The following MIA2 variants were observed in gnomAD, a reference collection of about 807,000 sequenced individuals.
MIA2 encodes the protein MIA SH3 domain ER export factor 2.
A neutral mutation model predicts 167.8 loss-of-function variants in MIA2; 127 were observed. That is an observed-to-expected ratio of 0.76 (90% CI 0.66 to 0.88). The LOEUF (loss-of-function observed/expected upper bound fraction) is 0.88, where lower values mean the gene tolerates loss of function less well. MIA2 is among the 40% of genes least tolerant of loss of function. The pLI is 0.00. For synonymous variants in MIA2, 552 were observed against 541.9 expected (o/e 1.02, Z -0.26); for missense variants, 1,690 against 1,624.7 (o/e 1.04, Z -0.69).
chr14:39,356,035 C>G (rs1336768463), downstream of MIA2, among the ~76,000 whole-genome samples: 2 of 152,092 alleles, frequency 1.3e-5, no homozygotes, highest in Non-Finnish European at 1.5e-5. Context: ...GTGTCTCTGC[C>G]AGGCTTTGGT....
At chr14:39,277,937 T>G (rs1476352494) in intron 7 of MIA2, among the ~76,000 whole-genome samples, 1 of 150,652 alleles carries the variant, frequency 6.6e-6, no homozygotes, top group Non-Finnish European at 1.5e-5. Flanking sequence ...ACTACACAGG[T>G]CCATGTCACT....
chr14:39,367,787 C>T (rs569385395), intron 23 of MIA2, among the ~76,000 whole-genome samples: 1 of 151,514 alleles, frequency 6.6e-6, no homozygotes, highest in Admixed American at 6.6e-5. Context: ...GTCTTGAAGC[C>T]CCTTCTCTTC....
chr14:39,315,792 A>C (rs1417542748), intron 21 of MIA2, 74 bp downstream of exon 21: 1 of 1,005,378 alleles, frequency 9.9e-7, no homozygotes, highest in Non-Finnish European at 1.5e-6. Context: ...GTTTATTTAA[A>C]TTAGATGAAA....
chr14:39,344,881 C>T (rs1471091470), intron 25 of MIA2, among the ~76,000 whole-genome samples: 2 of 151,936 alleles, frequency 1.3e-5, no homozygotes, highest in East Asian at 3.9e-4. Context: ...ATTATTAAAC[C>T]GCAATTACTT....
intron 23 of MIA2, among the ~76,000 whole-genome samples, chr14:39,376,806 G>T (rs2075054173): frequency 6.6e-6 from 1 of 152,142 alleles, no homozygotes; most frequent in South Asian, 2.1e-4. Context: ...GAATCCACAG[G>T]TTGCAAGATA....
At chr14:39,307,152 G>T (rs2063467686) in intron 17 of MIA2, among the ~76,000 whole-genome samples, 1 of 152,026 alleles carries the variant, frequency 6.6e-6, no homozygotes, top group Middle Eastern at 3.4e-3. Flanking sequence ...GGAGGGCTAG[G>T]TAGAATTTAA....
Position 39,252,729 on chromosome 14 carries a change from T to A in MIA2, c.1568-19T>A. 1 of 1,574,992 alleles carries A rather than the reference T, an allele frequency of 6.3e-7. No individual in the cohort carries two copies. Among genetic ancestry groups the A allele is most frequent in the Admixed American group, 1.8e-5 (1 of 56,382 alleles). On this transcript the variant is annotated intron_variant, in intron 4 of 28. Transcript: ENST00000640607. Reference sequence around the variant, plus strand: ...AGCAAGTATTTTGGAAAAACACATTTCTTTTTATTTATTTGTAGATATGGT... The same window carrying A: ...AGCAAGTATTTTGGAAAAACACATTACTTTTTATTTATTTGTAGATATGGT...
At chr14:39,303,416 T>C in intron 15 of MIA2, 62 bp from the exon 16 acceptor site, 1 of 1,188,784 alleles carries the variant, frequency 8.4e-7, no homozygotes, top group Non-Finnish European at 1.2e-6. Context: ...ATCATTTTGA[T>C]GTCTATTGTC....
At position 39,247,314 on chromosome 14, in the gene MIA2, A is replaced by G. The variant is rs1233536062; in HGVS notation, c.740A>G (p.Gln247Arg). The change falls in exon 4 of 29, where the codon CAA becomes CGA. Residue 247 changes from glutamine (Q) to arginine (R), a missense_variant. By Grantham distance (43) the Gln-to-Arg change is conservative. Coordinates refer to ENST00000640607, the MANE Select transcript of MIA2 (RefSeq NM_001329214.4). The stretch of plus-strand genomic sequence containing the variant: ...TTTGAATCAGTTATTGAACCTGTAC[A>G]AGAAAGCTCATTTCGGAGTAGAAAA... ...KAFESVIEPV[Q>R]ESSFRSRKIA... is the part of the protein sequence containing the mutation. 1 of 1,614,074 alleles carries G rather than the reference A, an allele frequency of 6.2e-7. No individual in the cohort carries two copies. Among genetic ancestry groups the G allele is most frequent in the Admixed American group, 1.7e-5 (1 of 60,006 alleles).
chr14:39,347,604 C>A, intron 26 of MIA2, 109 bp from the exon 27 acceptor site: 2 of 1,062,068 alleles, frequency 1.9e-6, no homozygotes, highest in African/African-American at 1.6e-5. Context: ...GTCCAGCTGG[C>A]TTATGTGCCA....
chr14:39,330,479 T>TAACAACACAAGAATAACACA (rs1209386392), intron 25 of MIA2, among the ~76,000 whole-genome samples: 13 of 152,288 alleles, frequency 8.5e-5, no homozygotes, highest in Admixed American at 8.5e-4. Context: ...GCCCTCATCT[T>TAACAACACAAGAATAACACA]AGTTATTTCT....
At chr14:39,324,452 A>G (rs10137052) in intron 24 of MIA2, among the ~76,000 whole-genome samples, 40,408 of 151,926 alleles carry the variant, frequency 0.27, 5,503 homozygotes, top group East Asian at 0.5. Flanking sequence ...TGATTCTACT[A>G]AAGGGAGTAG....
Position 39,277,684 on chromosome 14 carries a change from ATATG to A in MIA2, c.2019+621_2019+624del, listed in dbSNP as rs1430153750. 2.5e-3 allele frequency among the ~76,000 whole-genome samples: 23 copies of A among 9,378 alleles called. 4 individuals carry two copies. The highest frequency in any genetic ancestry group is 4.0e-3 in the African/African-American group (4 of 1,012). The allele number at this position is 9,378 out of a possible 152,430, so 6.2% of individuals were successfully genotyped here. A position where few individuals can be genotyped will look rare whatever the true frequency, so the allele number is the denominator to read the frequency against. ...AATGTAAGATCTTTTATATATATAT[ATATG>A]TGTGTATATATATATATATATATAT... is the stretch of plus-strand genomic sequence containing the variant. On this transcript the variant is annotated intron_variant, in intron 7 of 28. Coordinates refer to ENST00000640607, the MANE Select transcript of MIA2 (RefSeq NM_001329214.4).
chr14:39,236,027 G>A (rs998949429), intron 1 of MIA2, among the ~76,000 whole-genome samples: 1 of 152,166 alleles, frequency 6.6e-6, no homozygotes, highest in Non-Finnish European at 1.5e-5. Context: ...ATATGTGGCT[G>A]TGATTCGTTC....
At chr14:39,282,083 G>A (rs902436778) in intron 9 of MIA2, among the ~76,000 whole-genome samples, 1 of 151,932 alleles carries the variant, frequency 6.6e-6, no homozygotes, top group Non-Finnish European at 1.5e-5. Flanking sequence ...AGTCTTGTCC[G>A]CTTGAATGCC....
At chr14:39,323,971 A>G (rs1167947791) in intron 24 of MIA2, among the ~76,000 whole-genome samples, 3 of 152,240 alleles carry the variant, frequency 2.0e-5, no homozygotes, top group African/African-American at 7.2e-5. Flanking sequence ...AAAAGTTTCT[A>G]TGATCCACCA....
rs917361087 is a variant in MIA2 at position 39,343,902 on chromosome 14, T to C, written c.3656-2002T>C. ...CTTGATTACTTGTTCATCTTTACTT[T>C]TCTTTCAGGGCAAGCTTTACTGCCT... On this transcript the variant is annotated intron_variant, in intron 25 of 28. Coordinates refer to ENST00000640607, the MANE Select transcript of MIA2 (RefSeq NM_001329214.4). 3.3e-5 allele frequency among the ~76,000 whole-genome samples: 5 copies of C among 152,210 alleles called. No homozygotes were observed. In the East Asian group the frequency reaches 5.8e-4, roughly 18 times the overall value.
chr14:39,269,736 G>T (rs2056794782), intron 6 of MIA2, among the ~76,000 whole-genome samples: 1 of 152,010 alleles, frequency 6.6e-6, no homozygotes, highest in Admixed American at 6.6e-5. Flanking sequence ...ACCCAGGCTG[G>T]TCTTGAGCTC....
In MIA2 at chr14:39,265,306, T is replaced by C. The variant is rs1463933860; in HGVS notation, c.1888-11628T>C. On this transcript the variant is annotated intron_variant, in intron 6 of 28. Transcript: ENST00000640607. ...TGGAAACAGAAGAGTGCAGGATATA[T>C]TAGAATCTGAAATCTTTCTCAAGGA... 8 of 1,023,284 alleles carry C rather than the reference T, an allele frequency of 7.8e-6. No individual in the cohort carries two copies. In the African/African-American group the frequency reaches 9.5e-5, roughly 12 times the overall value. 63.4% of individuals were successfully genotyped at this position (1,023,284 alleles called of 1,614,324 possible).
Sources: allele counts gnomAD v4.1 joint callset (sites outside exome capture counted in the v4.1 genomes callset), GRCh38; gene constraint gnomAD v4.1.1; transcripts MANE v1.5; gene names NCBI Gene and HGNC (gene_info 2026-07-23, HGNC 2026-07-21).